Variants in ANKRD55 observed in about 807,000 individuals in gnomAD.
The protein encoded by ANKRD55 is ankyrin repeat domain-containing protein 55.
In ANKRD55, 41 loss-of-function variants were observed where a neutral mutation model predicts 60.6. The ratio of observed to expected loss-of-function variants is 0.68; its 90% CI spans 0.53 to 0.88. ANKRD55 has a LOEUF of 0.88. ANKRD55 is among the 40% of genes least tolerant of loss of function. The probability of loss-of-function intolerance (pLI) is 0.00; values close to 1 mark genes in which losing one functional copy is unlikely to be tolerated. For synonymous variants in ANKRD55, 264 were observed against 290.3 expected (o/e 0.91, Z 0.92); for missense variants, 732 against 767.6 (o/e 0.95, Z 0.55).
chr5:56,108,647 A>C (rs1320744365), intron 10 of ANKRD55, among the ~76,000 whole-genome samples: 1 of 152,254 alleles, frequency 6.6e-6, no homozygotes, highest in Non-Finnish European at 1.5e-5. Context: ...CACTGGGCAC[A>C]TGTCAAAGGG....
chr5:56,226,740 C>T (rs2111897796), intron 2 of ANKRD55, among the ~76,000 whole-genome samples: 1 of 152,272 alleles, frequency 6.6e-6, no homozygotes, highest in Non-Finnish European at 1.5e-5. Context: ...TGAAAAAATG[C>T]TCATCATCAC....
chr5:56,164,879 T>A lies in ANKRD55; in HGVS notation c.423-4986A>T, dbSNP rs1434305570. Among the ~76,000 whole-genome samples, 4 of 152,340 alleles carry A rather than the reference T, an allele frequency of 2.6e-5. No homozygotes were observed. The South Asian group carries it at 6.2e-4, about 24-fold the overall frequency. The stretch of plus-strand genomic sequence containing the variant: ...CAGTGTGCCTTCACGTTCATGATTA[T>A]AAATCACTTATCCCTGCATCAGCCT... On this transcript the variant is annotated intron_variant, in intron 5 of 11. Transcript: ENST00000341048.
chr5:56,213,365 G>A (rs1561295020), intron 2 of ANKRD55, among the ~76,000 whole-genome samples: 1 of 152,122 alleles, frequency 6.6e-6, no homozygotes, highest in Admixed American at 6.5e-5. Flanking sequence ...TTTGCTTCCA[G>A]GGAAGGGAAT....
In ANKRD55 at chr5:56,111,325, T is replaced by G; in HGVS notation, c.1423A>C (p.Ser475Arg). ...HMAQRSQKSR[S>R]EQDLLNNRTG... The stretch of plus-strand genomic sequence containing the variant: ...CTGTTATTTAATAAATCCTGCTCAC[T>G]TCGACTTTTCTGAGATCGCTGGGCC... The change falls in exon 10 of 12, where the codon AGT (serine) becomes CGT (arginine). Residue 475 changes from serine to arginine, a missense_variant. By Grantham distance (110) the Ser-to-Arg change is moderately radical. This residue lies in a region of ANKRD55 where 597 missense variants were observed against 607.5 expected (regional missense o/e 0.98). Coordinates refer to ENST00000341048, the MANE Select transcript of ANKRD55 (RefSeq NM_024669.3). 1 of 1,614,176 alleles carries G rather than the reference T, an allele frequency of 6.2e-7. No homozygotes were observed. The highest frequency in any genetic ancestry group is 1.1e-5 in the South Asian group (1 of 91,070).
intron 7 of ANKRD55, among the ~76,000 whole-genome samples, chr5:56,135,080 G>A (rs1356503293): frequency 1.3e-5 from 2 of 152,016 alleles, no homozygotes; most frequent in African/African-American, 2.4e-5. Flanking sequence ...CAGTAAACTA[G>A]GAATAGAGAA....
At chr5:56,220,575 G>A (rs545567995) in intron 2 of ANKRD55, among the ~76,000 whole-genome samples, 1 of 152,354 alleles carries the variant, frequency 6.6e-6, no homozygotes, top group Non-Finnish European at 1.5e-5. Flanking sequence ...AGCACTTTGG[G>A]AGGCCGAGGA....
rs756382232 is a variant in ANKRD55 at position 56,102,526 on chromosome 5, C to G, written c.1691G>C (p.Arg564Pro). The stretch of plus-strand genomic sequence containing the variant: ...ATCTGGTAGGGGAGCTAGGTTGTTC[C>G]GAGTGAAAGGAAGATCCCTGATTTT... ...RHKIRDLPFTRNNLAPLPDQK... is the reference protein window; with the variant it reads ...RHKIRDLPFTPNNLAPLPDQK... The change falls in exon 11 of 12, where the codon CGG becomes CCG. Residue 564 changes from arginine (R) to proline (P), a missense_variant. Arg to Pro is a moderately radical substitution (Grantham distance 103, BLOSUM62 -2). Coordinates refer to ENST00000341048, the MANE Select transcript of ANKRD55 (RefSeq NM_024669.3). The G allele has an allele frequency of 6.6e-5, 107 of 1,613,366 alleles. No individual in the cohort carries two copies. The highest frequency in any genetic ancestry group is 8.9e-5 in the Non-Finnish European group (105 of 1,179,666).
intron 10 of ANKRD55, among the ~76,000 whole-genome samples, chr5:56,105,350 G>C (rs1424661658): frequency 6.6e-6 from 1 of 152,296 alleles, no homozygotes; most frequent in East Asian, 1.9e-4. Context: ...GCCTCCCAAA[G>C]TGTTGGGATT....
At chr5:56,196,121 G>GT (rs1759222332) in intron 2 of ANKRD55, among the ~76,000 whole-genome samples, 1 of 152,082 alleles carries the variant, frequency 6.6e-6, no homozygotes, top group Admixed American at 6.5e-5. Flanking sequence ...AACACTTACT[G>GT]TTTTTGTAAC....
intron 2 of ANKRD55, among the ~76,000 whole-genome samples, chr5:56,191,614 G>A (rs10471970): frequency 6.6e-6 from 1 of 152,202 alleles, no homozygotes; most frequent in Non-Finnish European, 1.5e-5. Context: ...AAAATGGACC[G>A]AGTCACCTCA....
At chr5:56,154,376 G>A (rs968019296) in intron 6 of ANKRD55, among the ~76,000 whole-genome samples, 7 of 152,006 alleles carry the variant, frequency 4.6e-5, no homozygotes, top group African/African-American at 1.7e-4. Flanking sequence ...ACATTGAGCA[G>A]CCAAATACAG....
At chr5:56,177,531 C>G (rs1758761678) in intron 3 of ANKRD55, among the ~76,000 whole-genome samples, 1 of 152,104 alleles carries the variant, frequency 6.6e-6, no homozygotes, top group Non-Finnish European at 1.5e-5. Context: ...AATCCCAGCA[C>G]TTTGGGAGGC....
At chr5:56,105,148 G>A (rs1465850307) in intron 10 of ANKRD55, among the ~76,000 whole-genome samples, 1 of 148,848 alleles carries the variant, frequency 6.7e-6, no homozygotes, top group African/African-American at 2.5e-5. Flanking sequence ...ATGCAGTAGT[G>A]CCATCGTGGC....
At chr5:56,122,179 T>C (rs568476767) in intron 8 of ANKRD55, among the ~76,000 whole-genome samples, 69 of 152,332 alleles carry the variant, frequency 4.5e-4, no homozygotes, top group African/African-American at 1.4e-3. Flanking sequence ...TCTGTGCCTA[T>C]GCATTATTAT....
intron 7 of ANKRD55, among the ~76,000 whole-genome samples, chr5:56,142,108 T>C (rs1377479621): frequency 6.6e-6 from 1 of 152,046 alleles, no homozygotes; most frequent in Non-Finnish European, 1.5e-5. Context: ...GCGGGGCAGA[T>C]CACGAGGTCA....
chr5:56,214,274 G>C (rs1293880223), intron 2 of ANKRD55, among the ~76,000 whole-genome samples: 1 of 152,212 alleles, frequency 6.6e-6, no homozygotes, highest in Admixed American at 6.5e-5. Flanking sequence ...GGAAGTGAAG[G>C]CTTGGAGTGT....
At chr5:56,168,290 A>G (rs1561278727) in intron 5 of ANKRD55, among the ~76,000 whole-genome samples, 1 of 152,200 alleles carries the variant, frequency 6.6e-6, no homozygotes, top group African/African-American at 2.4e-5. Context: ...TGGTTCAAAA[A>G]CATTCAATGA....
Position 56,168,580 on chromosome 5 carries a change from A to C in ANKRD55, c.422+2114T>G, listed in dbSNP as rs115625760. Among the ~76,000 whole-genome samples the C allele has an allele frequency of 9.2e-3, 1,406 of 152,260 alleles. 21 individuals are homozygous for C. Among genetic ancestry groups the C allele is most frequent in the African/African-American group, 0.032 (1,343 of 41,538 alleles). On this transcript the variant is annotated intron_variant, in intron 5 of 11. Transcript: ENST00000341048. The stretch of plus-strand genomic sequence containing the variant: ...CTTACTGCGCCTAATTTGTACGCTA[A>C]ATTTTATAGGTATGTATGTAGAGGA...
rs1554036588 is a variant in ANKRD55, at chr5:56,112,511, A to AAAAAAAACAAACAAAAAAAAAAAAAAC, written c.966-730_966-729insGTTTTTTTTTTTTTTGTTTGTTTTTTT. The stretch of plus-strand genomic sequence containing the variant: ...GCAGGATCTCATCTCTAGCAAAAAA[A>AAAAAAAACAAACAAAAAAAAAAAAAAC]AAAAAAAAAAACAACCAAGGAAAGA... On this transcript the variant is annotated intron_variant, in intron 9 of 11. Coordinates refer to ENST00000341048, the MANE Select transcript of ANKRD55 (RefSeq NM_024669.3). Among the ~76,000 whole-genome samples, 49 of 81,526 alleles carry AAAAAAAACAAACAAAAAAAAAAAAAAC rather than the reference A, an allele frequency of 6.0e-4. 2 individuals are homozygous for AAAAAAAACAAACAAAAAAAAAAAAAAC. The highest frequency in any genetic ancestry group is 2.4e-3 in the African/African-American group (44 of 18,534). 53.5% of individuals were successfully genotyped at this position (81,526 alleles called of 152,430 possible). A position where few individuals can be genotyped will look rare whatever the true frequency, so the allele number is the denominator to read the frequency against.
Sources: allele counts gnomAD v4.1 joint callset (sites outside exome capture counted in the v4.1 genomes callset), GRCh38; gene constraint gnomAD v4.1.1; regional missense constraint gnomAD v4.1.1; transcripts MANE v1.5; gene names NCBI Gene and HGNC (gene_info 2026-07-23, HGNC 2026-07-21).